Variants in TMEM201 observed in about 807,000 individuals in gnomAD.
TMEM201 encodes RP13-15M17.2.
TMEM201 carries 26 observed loss-of-function variants against 63.4 expected under a neutral mutation model. The observed-to-expected ratio is 0.41, with a 90% CI of 0.30 to 0.57. The LOEUF is 0.57. Among genes scored for constraint, TMEM201 ranks in the 20% least tolerant of loss-of-function variants. The probability of loss-of-function intolerance (pLI) is 0.29; values close to 1 mark genes in which losing one functional copy is unlikely to be tolerated. For missense variants in TMEM201, 794 were observed against 917.7 expected (o/e 0.87, Z 1.74); for synonymous variants, 417 against 421.6 (o/e 0.99, Z 0.14).
intron 1 of TMEM201, among the ~76,000 whole-genome samples, chr1:9,593,032 G>A (rs1016034928): frequency 6.6e-6 from 1 of 152,248 alleles, no homozygotes; most frequent in Non-Finnish European, 1.5e-5. Context: ...CCAGAGTCAA[G>A]TTAAGGACGG....
chr1:9,598,679 ACCCT>A, intron 4 of TMEM201, 54 bp downstream of exon 4: 1 of 1,562,986 alleles, frequency 6.4e-7, no homozygotes, highest in Non-Finnish European at 8.7e-7. Context: ...TGTTCAGGAA[ACCCT>A]CCCAGGAGGC....
chr1:9,600,082 C>T (rs902899107), intron 4 of TMEM201, among the ~76,000 whole-genome samples: 1 of 152,232 alleles, frequency 6.6e-6, no homozygotes, highest in East Asian at 1.9e-4. Flanking sequence ...AGAGGTAGCA[C>T]GGCTGTGTCC....
intron 4 of TMEM201, among the ~76,000 whole-genome samples, chr1:9,600,080 C>T (rs1200688393): frequency 6.6e-6 from 1 of 152,168 alleles, no homozygotes; most frequent in African/African-American, 2.4e-5. Context: ...GCAGAGGTAG[C>T]ACGGCTGTGT....
intron 4 of TMEM201, among the ~76,000 whole-genome samples, chr1:9,600,755 CA>C: frequency 6.6e-6 from 1 of 151,842 alleles, no homozygotes; most frequent in East Asian, 1.9e-4. Flanking sequence ...CCCATCTCTA[CA>C]AAAAAAATAC....
In TMEM201 at chr1:9,610,456, G is replaced by A. The variant is rs1240952263; in HGVS notation, c.1466-50G>A. ...CAGAAATGAAATAGCGCATTGTAGCGTTGCAGTGACAGGAGCCCACGTTCA... is the reference window on the plus strand; with the variant it reads ...CAGAAATGAAATAGCGCATTGTAGCATTGCAGTGACAGGAGCCCACGTTCA... On this transcript the variant is annotated intron_variant, in intron 8 of 10. Transcript: ENST00000340381. This position sits in a 1 kb window ranked among gnomAD's most constrained non-coding sequence, Gnocchi z 4.9. 2.9e-5 allele frequency: 42 copies of A among 1,436,294 alleles called. No individual in the cohort carries two copies. Among genetic ancestry groups the A allele is most frequent in the African/African-American group, 5.7e-5 (4 of 70,272 alleles). The allele number at this position is 1,436,294 out of a possible 1,614,324, so 89.0% of individuals were successfully genotyped here.
Position 9,610,680 on chromosome 1 carries a change from C to A in TMEM201, c.1640C>A (p.Pro547His), listed in dbSNP as rs114072438. 4.0e-3 allele frequency: 6,264 copies of A among 1,550,606 alleles called. 235 individuals are homozygous for A. The African/African-American group carries it at 0.077, about 19-fold the overall frequency. ...GQKLLLFPSPPGEAPTTPSSS... is the reference protein window; with the variant it reads ...GQKLLLFPSPHGEAPTTPSSS... Reference sequence around the variant, plus strand: ...AAGCTGCTGCTGTTCCCGTCACCCCCTGGAGAGGCCCCCACCACGCCCAGC... The same window carrying A: ...AAGCTGCTGCTGTTCCCGTCACCCCATGGAGAGGCCCCCACCACGCCCAGC... The change falls in exon 9 of 11, where the codon CCT becomes CAT. Residue 547 changes from proline (P) to histidine (H), a missense_variant. Pro to His is a moderately conservative substitution (Grantham distance 77, BLOSUM62 -2). Coordinates refer to ENST00000340381, the MANE Select transcript of TMEM201 (RefSeq NM_001130924.3). The surrounding 1 kb of genome is among the most constrained non-coding windows in gnomAD (Gnocchi z 4.9).
At position 9,605,023 on chromosome 1, in the gene TMEM201, G is replaced by A. The variant is rs1448069103; in HGVS notation, c.1161-2534G>A. On this transcript the variant is annotated intron_variant, in intron 6 of 10. Transcript: ENST00000340381. The surrounding 1 kb of genome is among the most constrained non-coding windows in gnomAD (Gnocchi z 5.7). ...AAGGGCTCTGTGCCAGGGCTGGGGT[G>A]GGCAGCTGTGTTTGGGGTACAGACA... 2 of 985,572 alleles carry A rather than the reference G, an allele frequency of 2.0e-6. No homozygotes were observed. The highest frequency in any genetic ancestry group is 2.4e-6 in the Non-Finnish European group (2 of 829,916). 61.1% of individuals were successfully genotyped at this position (985,572 alleles called of 1,614,324 possible). A position where few individuals can be genotyped will look rare whatever the true frequency, so the allele number is the denominator to read the frequency against.
chr1:9,589,822 A>G (rs1439966519), intron 1 of TMEM201, among the ~76,000 whole-genome samples: 3 of 152,198 alleles, frequency 2.0e-5, no homozygotes, highest in Admixed American at 6.5e-5. Context: ...CAGGGGGGAA[A>G]GTGGGGTTGT....
rs778653794 is a variant in TMEM201, at chr1:9,607,738, C to T, written c.1342C>T (p.Arg448Cys). 80 of 1,551,750 alleles carry T rather than the reference C, an allele frequency of 5.2e-5. 1 individual carries two copies. The South Asian group carries it at 6.8e-4, about 13-fold the overall frequency. ...RRTSPSSLPG[R>C]LSRALSLGTI... is the part of the protein sequence containing the mutation. ...GACCTCACCCTCCTCATTGCCTGGCCGCCTCAGCCGGGCCCTCTCTCTGGG... is the reference window on the plus strand; with the variant it reads ...GACCTCACCCTCCTCATTGCCTGGCTGCCTCAGCCGGGCCCTCTCTCTGGG... The change falls in exon 7 of 11, where the codon CGC becomes TGC. Residue 448 changes from arginine to cysteine, a missense_variant. By Grantham distance (180) the Arg-to-Cys change is radical. Coordinates refer to ENST00000340381, the MANE Select transcript of TMEM201 (RefSeq NM_001130924.3). The surrounding 1 kb of genome is among the most constrained non-coding windows in gnomAD (Gnocchi z 5.4).
intron 10 of TMEM201, 35 bp downstream of exon 10, chr1:9,611,925 G>GGC: frequency 3.3e-6 from 5 of 1,508,616 alleles, no homozygotes; most frequent in Non-Finnish European, 4.4e-6. Flanking sequence ...GGAGGGGGTG[G>GGC]GCACACATCC....
At chr1:9,599,962 A>G (rs758835346) in intron 4 of TMEM201, among the ~76,000 whole-genome samples, 13 of 152,222 alleles carry the variant, frequency 8.5e-5, no homozygotes, top group Non-Finnish European at 1.0e-4. Flanking sequence ...GTTAACCTTA[A>G]AAGTACAGTA....
intron 1 of TMEM201, among the ~76,000 whole-genome samples, chr1:9,595,298 G>A (rs1643996653): frequency 6.6e-6 from 1 of 152,190 alleles, no homozygotes; most frequent in Non-Finnish European, 1.5e-5. Flanking sequence ...ACCAGAGAGG[G>A]TTGGCCCCAG....
chr1:9,592,510 C>G (rs1274616748), intron 1 of TMEM201, among the ~76,000 whole-genome samples: 18 of 152,184 alleles, frequency 1.2e-4, no homozygotes, highest in Admixed American at 1.2e-3. Context: ...CCAGTGCCCC[C>G]TCTAGCAGGT....
Position 9,603,184 on chromosome 1 carries a change from C to G in TMEM201, c.1160+912C>G. 1 of 985,562 alleles carries G rather than the reference C, an allele frequency of 1.0e-6. No individual in the cohort carries two copies. The highest frequency in any genetic ancestry group is 1.2e-6 in the Non-Finnish European group (1 of 830,022). 61.1% of individuals were successfully genotyped at this position (985,562 alleles called of 1,614,324 possible). On this transcript the variant is annotated intron_variant, in intron 6 of 10. Transcript: ENST00000340381. This position sits in a 1 kb window ranked among gnomAD's most constrained non-coding sequence, Gnocchi z 4.5. ...CACCATGGCCCAGCGCCACTCTGTC[C>G]TCCGACTCAGGTGAGGGGGCAGCCC... is the stretch of plus-strand genomic sequence containing the variant.
chr1:9,607,890 G>C lies in TMEM201; in HGVS notation c.1393+101G>C. 8.7e-7 allele frequency: 1 copy of C among 1,143,302 alleles called. No homozygotes were observed. The highest frequency in any genetic ancestry group is 1.2e-6 in the Non-Finnish European group (1 of 814,958). The allele number at this position is 1,143,302 out of a possible 1,614,324, so 70.8% of individuals were successfully genotyped here. A position where few individuals can be genotyped will look rare whatever the true frequency, so the allele number is the denominator to read the frequency against. On this transcript the variant is annotated intron_variant, in intron 7 of 10. Coordinates refer to ENST00000340381, the MANE Select transcript of TMEM201 (RefSeq NM_001130924.3). This position sits in a 1 kb window ranked among gnomAD's most constrained non-coding sequence, Gnocchi z 5.4. ...GTAGGGAGGGCCGGGAGTGGTTAGT[G>C]TTCCTGCTGCAGAGACAGGCAGCAC...
chr1:9,613,108 G>A lies in TMEM201; in HGVS notation c.*25G>A. 3 of 1,546,824 alleles carry A rather than the reference G, an allele frequency of 1.9e-6. No homozygotes were observed. Among genetic ancestry groups the A allele is most frequent in the Non-Finnish European group, 2.6e-6 (3 of 1,145,512 alleles). ...ACCCACCGTTGGAGCCCCTCGGAGG[G>A]GAGCAACCCGGTGCCTGCTGCTTCA... is the stretch of plus-strand genomic sequence containing the variant. On this transcript the variant is annotated 3_prime_UTR_variant, in exon 11 of 11. Coordinates refer to ENST00000340381, the MANE Select transcript of TMEM201 (RefSeq NM_001130924.3).
At chr1:9,589,137 C>T in intron 1 of TMEM201, 94 bp downstream of exon 1, 2 of 513,372 alleles carry the variant, frequency 3.9e-6, no homozygotes, top group Non-Finnish European at 5.0e-6. Flanking sequence ...CGGCCGGGAC[C>T]CGGGCTGCCC....
intron 1 of TMEM201, 68 bp downstream of exon 1, chr1:9,589,111 G>A: frequency 1.4e-6 from 1 of 739,428 alleles, no homozygotes. Context: ...GCGCCGCCCC[G>A]GCCCGCTGCC....
chr1:9,612,846 G>T, intron 10 of TMEM201, 140 bp from the exon 11 acceptor site: 1 of 683,716 alleles, frequency 1.5e-6, no homozygotes. Flanking sequence ...AGAAGAATTG[G>T]GGGTGAGCCT....
Sources: gnomAD v4.1 joint callset for allele counts (sites outside exome capture counted in the v4.1 genomes callset) on GRCh38, gnomAD v4.1.1 for gene constraint, Gnocchi (gnomAD v3.1) non-coding constraint, MANE v1.5 for transcripts, NCBI Gene and HGNC (gene_info 2026-07-23, HGNC 2026-07-21) for gene names.